Variants in KHDRBS1 observed in about 807,000 individuals in gnomAD.
The protein encoded by KHDRBS1 is KH domain-containing, RNA-binding, signal transduction-associated protein 1.
KHDRBS1 carries 7 observed loss-of-function variants against 48.4 expected under a neutral mutation model. The ratio of observed to expected loss-of-function variants is 0.14; its 90% CI spans 0.08 to 0.27. KHDRBS1 has a LOEUF of 0.27. Among genes scored for constraint, KHDRBS1 ranks in the 10% least tolerant of loss-of-function variants. The pLI, the probability that KHDRBS1 is intolerant of heterozygous loss-of-function variation, is 1.00. For synonymous variants in KHDRBS1, 241 were observed against 235.8 expected (o/e 1.02, Z -0.20); for missense variants, 458 against 601.2 (o/e 0.76, Z 2.49).
In KHDRBS1 at chr1:32,030,102, T is replaced by G. The variant is rs539235702; in HGVS notation, c.383-196T>G. 5.9e-5 allele frequency among the ~76,000 whole-genome samples: 9 copies of G among 152,322 alleles called. No individual in the cohort carries two copies. The South Asian group carries it at 1.9e-3, about 32-fold the overall frequency. On this transcript the variant is annotated intron_variant, in intron 1 of 8. Coordinates refer to ENST00000327300, the MANE Select transcript of KHDRBS1 (RefSeq NM_006559.3). ...GGTGAGGGTGGAAGAGTACACTTCT[T>G]TTATTAGAAGCAGGCTTTGGGCTTT...
downstream of KHDRBS1, among the ~76,000 whole-genome samples, chr1:32,048,746 T>C (rs1172183493): frequency 6.6e-6 from 1 of 152,130 alleles, no homozygotes; most frequent in African/African-American, 2.4e-5. Flanking sequence ...TCACTTAAAG[T>C]GTATAATTCA....
intron 1 of KHDRBS1, among the ~76,000 whole-genome samples, chr1:32,024,390 A>G (rs1638921475): frequency 3.3e-5 from 5 of 152,086 alleles, no homozygotes. Context: ...GGCTCACCAC[A>G]GCCTCCAACT....
intron 5 of KHDRBS1, 95 bp downstream of exon 5, chr1:32,037,138 C>T (rs1279086736): frequency 7.3e-7 from 1 of 1,367,186 alleles, no homozygotes; most frequent in African/African-American, 1.5e-5. Flanking sequence ...TAGGAAGGGT[C>T]TCAGGATTTG....
rs1638685137 is a variant in KHDRBS1, at chr1:32,014,151, C to G, written c.156C>G (p.Arg52=). ...CCCGGGGAGGCGGAGGGGGATCCCG[C>G]GGGGGCGCCCGGGCCTCGCCCGCCA... is the stretch of plus-strand genomic sequence containing the variant. ...HRSRGGGGGS[R]GGARASPATQ... Residue 52 remains arginine, a synonymous_variant, in exon 1 of 9, where the codon CGC becomes CGG. Coordinates refer to ENST00000327300, the MANE Select transcript of KHDRBS1 (RefSeq NM_006559.3). 1 of 1,303,106 alleles carries G rather than the reference C, an allele frequency of 7.7e-7. No individual in the cohort carries two copies. Among genetic ancestry groups the G allele is most frequent in the Non-Finnish European group, 9.7e-7 (1 of 1,026,890 alleles). The allele number at this position is 1,303,106 out of a possible 1,614,324, so 80.7% of individuals were successfully genotyped here.
intron 10 of KHDRBS1, among the ~76,000 whole-genome samples, chr1:32,049,063 G>GT (rs937830236): frequency 3.0e-4 from 44 of 148,320 alleles, no homozygotes; most frequent in South Asian, 4.3e-4. Context: ...TGTTTTTTTG[G>GT]TTTTTTTTTG....
At chr1:32,020,636 A>C (rs959057189) in intron 1 of KHDRBS1, among the ~76,000 whole-genome samples, 1 of 151,622 alleles carries the variant, frequency 6.6e-6, no homozygotes, top group Non-Finnish European at 1.5e-5. Context: ...AAAAAAAAGG[A>C]ACTGTTAATA....
At chr1:32,060,133 T>G (rs999964127) in intron 10 of KHDRBS1, 11 of 152,142 alleles carry the variant, frequency 7.2e-5, no homozygotes, top group African/African-American at 2.7e-4. Context: ...ATAGGGAGCT[T>G]TCTTAATTTT....
At position 32,038,543 on chromosome 1, in the gene KHDRBS1, T is replaced by C. The variant is rs574966579; in HGVS notation, c.1108-9T>C. On this transcript the variant is annotated splice_polypyrimidine_tract_variant and intron_variant, in intron 6 of 8. Transcript: ENST00000327300. ...CTTTTATTTCATTTTTTTGTTGTTG[T>C]TGTTCTAGGGATATGATGATACATA... 8.2e-5 allele frequency: 133 copies of C among 1,613,280 alleles called. 3 individuals carry two copies. In the South Asian group the frequency reaches 1.5e-3, roughly 18 times the overall value.
Position 32,039,511 on chromosome 1 carries a change from T to G in KHDRBS1, c.1176-4T>G. 2 of 1,417,810 alleles carry G rather than the reference T, an allele frequency of 1.4e-6. No homozygotes were observed. The highest frequency in any genetic ancestry group is 2.0e-6 in the Non-Finnish European group (2 of 1,000,954). 87.8% of individuals were successfully genotyped at this position (1,417,810 alleles called of 1,614,324 possible). A position where few individuals can be genotyped will look rare whatever the true frequency, so the allele number is the denominator to read the frequency against. Reference sequence around the variant, plus strand: ...CTTCCTAACACTCTGCCTTTGGCTTTCAGGGACTCAGAATATTATGACTAT... The same window carrying G: ...CTTCCTAACACTCTGCCTTTGGCTTGCAGGGACTCAGAATATTATGACTAT... On this transcript the variant is annotated splice_region_variant and splice_polypyrimidine_tract_variant and intron_variant, in intron 7 of 8. Coordinates refer to ENST00000327300, the MANE Select transcript of KHDRBS1 (RefSeq NM_006559.3).
intron 1 of KHDRBS1, among the ~76,000 whole-genome samples, chr1:32,027,713 A>C (rs1639002921): frequency 6.6e-6 from 1 of 152,236 alleles, no homozygotes; most frequent in Admixed American, 6.5e-5. Context: ...GCTTTTTAAC[A>C]AACAAGCATT....
At chr1:32,060,135 C>T (rs1639527516) in intron 10 of KHDRBS1, 1 of 152,184 alleles carries the variant, frequency 6.6e-6, no homozygotes, top group Non-Finnish European at 1.5e-5. Context: ...AGGGAGCTTT[C>T]TTAATTTTCT....
chr1:32,017,272 G>T (rs1046169692), intron 1 of KHDRBS1, among the ~76,000 whole-genome samples: 4 of 150,468 alleles, frequency 2.7e-5, no homozygotes, highest in Non-Finnish European at 5.9e-5. Flanking sequence ...AAAAAAAAAA[G>T]ACAAAATTTT....
At position 32,037,017 on chromosome 1, in the gene KHDRBS1, T is replaced by G. The variant is rs1224287455; in HGVS notation, c.879T>G (p.Ala293=). 1 of 1,613,986 alleles carries G rather than the reference T, an allele frequency of 6.2e-7. No individual in the cohort carries two copies. Among genetic ancestry groups the G allele is most frequent in the South Asian group, 1.1e-5 (1 of 91,072 alleles). Residue 293 remains alanine (A), a synonymous_variant, in exon 5 of 9, where the codon GCT becomes GCG. Coordinates refer to ENST00000327300, the MANE Select transcript of KHDRBS1 (RefSeq NM_006559.3). ...GRGVPVRGRG[A]APPPPPVPRG... ...GGGTGCCAGTGAGAGGCCGGGGAGC[T>G]GCACCTCCTCCACCACCTGTTCCCA...
At chr1:32,028,929 C>G (rs1230802297) in intron 1 of KHDRBS1, among the ~76,000 whole-genome samples, 1 of 152,030 alleles carries the variant, frequency 6.6e-6, no homozygotes, top group East Asian at 1.9e-4. Context: ...ATTGCCACCT[C>G]TATAGTCTGG....
At chr1:32,053,741 TATC>T (rs2124400734) in intron 10 of KHDRBS1, among the ~76,000 whole-genome samples, 1 of 152,292 alleles carries the variant, frequency 6.6e-6, no homozygotes, top group East Asian at 1.9e-4. Flanking sequence ...ATGGGGATAA[TATC>T]ATTTACTTCG....
chr1:32,044,804 A>G (rs898057693), downstream of KHDRBS1, among the ~76,000 whole-genome samples: 1 of 152,252 alleles, frequency 6.6e-6, no homozygotes, highest in African/African-American at 2.4e-5. Context: ...GCTAACATGC[A>G]TCGCAAAAAA....
rs761815511 is a variant in KHDRBS1, at chr1:32,014,358, C to T, written c.363C>T (p.Ala121=). 55 of 1,495,606 alleles carry T rather than the reference C, an allele frequency of 3.7e-5. No homozygotes were observed. Among genetic ancestry groups the T allele is most frequent in the Non-Finnish European group, 4.3e-5 (48 of 1,111,214 alleles). 92.6% of individuals were successfully genotyped at this position (1,495,606 alleles called of 1,614,324 possible). ...KDSLDPSFTH[A]MQLLTAEIEK... is the part of the protein sequence containing the mutation. ...CGCTCGACCCGTCCTTCACTCACGCCATGCAGCTGCTGACGGCAGGTAAGG... is the reference window on the plus strand; with the variant it reads ...CGCTCGACCCGTCCTTCACTCACGCTATGCAGCTGCTGACGGCAGGTAAGG... The change falls in exon 1 of 9, where the codon GCC becomes GCT. Residue 121 remains alanine (A), a synonymous_variant. Coordinates refer to ENST00000327300, the MANE Select transcript of KHDRBS1 (RefSeq NM_006559.3).
chr1:32,049,054 G>GT (rs1343085440), intron 10 of KHDRBS1, among the ~76,000 whole-genome samples: 3 of 147,054 alleles, frequency 2.0e-5, no homozygotes, highest in South Asian at 2.2e-4. Flanking sequence ...TTTTTTTTTT[G>GT]TTTTTTTGGT....
chr1:32,044,467 G>A (rs1415616287), downstream of KHDRBS1, among the ~76,000 whole-genome samples: 1 of 152,204 alleles, frequency 6.6e-6, no homozygotes, highest in Non-Finnish European at 1.5e-5. Context: ...GATGGAATTG[G>A]TTGGTCCCAT....
Sources: allele counts gnomAD v4.1 joint callset (sites outside exome capture counted in the v4.1 genomes callset), GRCh38; gene constraint gnomAD v4.1.1; transcripts MANE v1.5; gene names NCBI Gene and HGNC (gene_info 2026-07-23, HGNC 2026-07-21).